The following ROBO1 variants were observed in gnomAD, a reference collection of about 807,000 sequenced individuals.
ROBO1 encodes the protein roundabout guidance receptor 1, also known as roundabout homolog 1.
A neutral mutation model predicts 195.9 loss-of-function variants in ROBO1; 149 were observed. The observed-to-expected ratio is 0.76, with a 90% CI of 0.67 to 0.87. ROBO1 has a LOEUF of 0.87. ROBO1 is among the 40% of genes least tolerant of loss of function. The pLI is 0.00. For missense variants in ROBO1, 1,933 were observed against 2,068.3 expected (o/e 0.93, Z 1.27); for synonymous variants, 816 against 733.2 (o/e 1.11, Z -1.82).
At position 78,920,624 on chromosome 3, in the gene ROBO1, G is replaced by GTT. The variant is rs34364869; in HGVS notation, c.499+17975_499+17976dup. 4.4e-3 allele frequency among the ~76,000 whole-genome samples: 271 copies of GTT among 60,942 alleles called. 29 individuals carry two copies. The highest frequency in any genetic ancestry group is 8.7e-3 in the Admixed American group (44 of 5,070). The allele number at this position is 60,942 out of a possible 152,430, so 40.0% of individuals were successfully genotyped here. ...CCAGCCTTTCTTTTTCTTTCTTTCAGTTTTTTTTTTTTTTTTTTTTTTTTT... is the reference window on the plus strand; with the variant it reads ...CCAGCCTTTCTTTTTCTTTCTTTCAGTTTTTTTTTTTTTTTTTTTTTTTTTTT... On this transcript the variant is annotated intron_variant, in intron 4 of 30. Transcript: ENST00000464233.
At chr3:79,088,563 G>T (rs765742372) in intron 3 of ROBO1, among the ~76,000 whole-genome samples, 11 of 151,820 alleles carry the variant, frequency 7.2e-5, no homozygotes, top group Admixed American at 1.3e-4. Flanking sequence ...AGAGTAACAG[G>T]AAAGGTAAGA....
chr3:79,052,734 G>C (rs952594682), intron 3 of ROBO1, among the ~76,000 whole-genome samples: 1 of 152,056 alleles, frequency 6.6e-6, no homozygotes, highest in Non-Finnish European at 1.5e-5. Flanking sequence ...ATGGGGGCTG[G>C]TTCCCCTGAC....
At chr3:79,114,981 A>C (rs977656048) in intron 3 of ROBO1, among the ~76,000 whole-genome samples, 7 of 152,154 alleles carry the variant, frequency 4.6e-5, no homozygotes, top group African/African-American at 1.7e-4. Flanking sequence ...AGCATAGACC[A>C]CCTAGGACTT....
chr3:79,035,474 C>A (rs915683822), intron 3 of ROBO1, among the ~76,000 whole-genome samples: 2 of 152,078 alleles, frequency 1.3e-5, no homozygotes, highest in Non-Finnish European at 2.9e-5. Flanking sequence ...AATCCCGGCA[C>A]TTTGGGAGGC....
At chr3:79,184,695 A>G (rs1414340671) in intron 2 of ROBO1, among the ~76,000 whole-genome samples, 2 of 152,190 alleles carry the variant, frequency 1.3e-5, no homozygotes, top group Admixed American at 6.5e-5. Context: ...CATTAAGGAA[A>G]GGAATCTCTC....
At chr3:79,597,234 T>C (rs1246707255) in intron 1 of ROBO1, among the ~76,000 whole-genome samples, 1 of 151,978 alleles carries the variant, frequency 6.6e-6, no homozygotes, top group Non-Finnish European at 1.5e-5. Context: ...CTACTGATAA[T>C]TTGCTACTGC....
chr3:78,830,673 A>T (rs1415635489), intron 4 of ROBO1, among the ~76,000 whole-genome samples: 1 of 152,158 alleles, frequency 6.6e-6, no homozygotes. Flanking sequence ...ATGACCTTCC[A>T]CTGGCTCCCT....
At chr3:78,799,382 C>G (rs1173308549) in intron 4 of ROBO1, among the ~76,000 whole-genome samples, 1 of 151,942 alleles carries the variant, frequency 6.6e-6, no homozygotes, top group African/African-American at 2.4e-5. Context: ...CGCTCTGTCG[C>G]CCAGGCTGGA....
intron 2 of ROBO1, among the ~76,000 whole-genome samples, chr3:79,446,238 C>T (rs1443523401): frequency 6.6e-6 from 1 of 152,164 alleles, no homozygotes; most frequent in Non-Finnish European, 1.5e-5. Context: ...CAAATTCAAA[C>T]TTTTACTTCT....
At chr3:79,054,011 C>T (rs560087011) in intron 3 of ROBO1, among the ~76,000 whole-genome samples, 1 of 152,182 alleles carries the variant, frequency 6.6e-6, no homozygotes, top group East Asian at 1.9e-4. Flanking sequence ...GTACTGAGGC[C>T]ATTTTGCTTC....
chr3:79,685,096 C>T (rs1259746544), intron 1 of ROBO1, among the ~76,000 whole-genome samples: 1 of 152,094 alleles, frequency 6.6e-6, no homozygotes, highest in Non-Finnish European at 1.5e-5. Flanking sequence ...ACTTTCTAAA[C>T]CAATTGTGTA....
intron 1 of ROBO1, among the ~76,000 whole-genome samples, chr3:79,662,953 A>T (rs1946373983): frequency 6.6e-6 from 1 of 152,052 alleles, no homozygotes; most frequent in Admixed American, 6.6e-5. Flanking sequence ...AATAATCACG[A>T]TATATAAGGT....
chr3:79,763,381 G>C (rs1439987402), intron 1 of ROBO1, among the ~76,000 whole-genome samples: 1 of 152,112 alleles, frequency 6.6e-6, no homozygotes, highest in African/African-American at 2.4e-5. Flanking sequence ...CCTGAATAAA[G>C]ACCAAATTAG....
intron 4 of ROBO1, among the ~76,000 whole-genome samples, chr3:78,870,039 G>A (rs1333119293): frequency 1.3e-5 from 2 of 152,140 alleles, no homozygotes; most frequent in Non-Finnish European, 2.9e-5. Context: ...TTGGAAATAA[G>A]TTGATACCAT....
intron 2 of ROBO1, among the ~76,000 whole-genome samples, chr3:79,385,470 T>C (rs2036707736): frequency 6.6e-6 from 1 of 152,132 alleles, no homozygotes; most frequent in Admixed American, 6.6e-5. Context: ...ATCATCATTG[T>C]AATGTTACAC....
intron 2 of ROBO1, among the ~76,000 whole-genome samples, chr3:79,487,984 T>A (rs918140377): frequency 3.3e-5 from 5 of 152,128 alleles, no homozygotes; most frequent in Admixed American, 1.3e-4. Flanking sequence ...AATGAAAACA[T>A]GAGGCAATTG....
chr3:79,027,193 T>C (rs957107324), intron 3 of ROBO1, among the ~76,000 whole-genome samples: 1 of 152,108 alleles, frequency 6.6e-6, no homozygotes, highest in Non-Finnish European at 1.5e-5. Flanking sequence ...CAAGAAGTAC[T>C]ATGTTCATTT....
chr3:78,948,152 A>G (rs2040561455), intron 3 of ROBO1, among the ~76,000 whole-genome samples: 1 of 152,166 alleles, frequency 6.6e-6, no homozygotes. Flanking sequence ...AAAAAGAGGG[A>G]ATCCTCCCTA....
At chr3:79,584,026 T>A (rs1943739832) in intron 2 of ROBO1, among the ~76,000 whole-genome samples, 1 of 151,882 alleles carries the variant, frequency 6.6e-6, no homozygotes, top group Non-Finnish European at 1.5e-5. Context: ...TGTCATTTTT[T>A]ACAAACCCAT....
Sources: gnomAD v4.1 joint callset for allele counts (sites outside exome capture counted in the v4.1 genomes callset) on GRCh38, gnomAD v4.1.1 for gene constraint, MANE v1.5 for transcripts, NCBI Gene and HGNC (gene_info 2026-07-23, HGNC 2026-07-21) for gene names.